Variants in AKAP11 observed in about 807,000 individuals in gnomAD.
The protein encoded by AKAP11 is A-kinase anchor protein 11.
Under a neutral mutation model 146.1 loss-of-function variants are expected in AKAP11, and 36 were observed. The observed-to-expected ratio is 0.25, with a 90% CI of 0.19 to 0.33. AKAP11 has a LOEUF of 0.33. Among genes scored for constraint, AKAP11 ranks in the 10% least tolerant of loss-of-function variants. AKAP11 has a pLI of 1.00. For missense variants in AKAP11, 2,201 were observed against 2,197.0 expected (o/e 1.00, Z -0.04); for synonymous variants, 780 against 786.5 (o/e 0.99, Z 0.14).
At chr13:42,279,295 A>G (rs2324859) in intron 1 of AKAP11, among the ~76,000 whole-genome samples, 3 of 143,104 alleles carry the variant, frequency 2.1e-5, no homozygotes, top group Admixed American at 6.8e-5. Flanking sequence ...TCTCTCTCTC[A>G]CTCACTCACT....
chr13:42,313,030 T>G lies in AKAP11; in HGVS notation c.5274-17T>G. ...TTCATTTTCTAGTTCAGCTCTGTTC[T>G]TTTCTTCCTCTGGCAGTAATGGTAA... is the stretch of plus-strand genomic sequence containing the variant. On this transcript the variant is annotated splice_polypyrimidine_tract_variant and intron_variant, in intron 9 of 12. Coordinates refer to ENST00000025301, the MANE Select transcript of AKAP11 (RefSeq NM_016248.4). 2 of 1,607,802 alleles carry G rather than the reference T, an allele frequency of 1.2e-6. No homozygotes were observed. Among genetic ancestry groups the G allele is most frequent in the East Asian group, 2.2e-5 (1 of 44,786 alleles).
At chr13:42,275,252 C>A (rs1035213490) in intron 1 of AKAP11, among the ~76,000 whole-genome samples, 1 of 152,224 alleles carries the variant, frequency 6.6e-6, no homozygotes, top group Non-Finnish European at 1.5e-5. Context: ...TTGGTTTCCA[C>A]TTCCCCAAAA....
At chr13:42,275,903 G>A (rs1163847655) in intron 1 of AKAP11, among the ~76,000 whole-genome samples, 1 of 152,128 alleles carries the variant, frequency 6.6e-6, no homozygotes, top group Non-Finnish European at 1.5e-5. Context: ...GCTTCTGGTC[G>A]TGTTCAGAGA....
chr13:42,309,454 C>G (rs1056496269), intron 9 of AKAP11, among the ~76,000 whole-genome samples: 32 of 152,096 alleles, frequency 2.1e-4, no homozygotes, highest in African/African-American at 7.0e-4. Flanking sequence ...AAATGGCAAA[C>G]TAGGTGTGGG....
intron 9 of AKAP11, among the ~76,000 whole-genome samples, chr13:42,310,874 A>G (rs1398180609): frequency 6.7e-6 from 1 of 150,092 alleles, no homozygotes; most frequent in Non-Finnish European, 1.5e-5. Flanking sequence ...AAAAAAAAAG[A>G]CTGTGACAAT....
chr13:42,276,025 A>G (rs1303335702), intron 1 of AKAP11, among the ~76,000 whole-genome samples: 1 of 151,972 alleles, frequency 6.6e-6, no homozygotes, highest in Non-Finnish European at 1.5e-5. Context: ...TACCTCACCT[A>G]CCTTTCTGAC....
intron 8 of AKAP11, 36 bp downstream of exon 8, chr13:42,303,899 A>AT: frequency 6.6e-7 from 1 of 1,525,704 alleles, no homozygotes; most frequent in African/African-American, 1.4e-5. Context: ...TTAATGATAA[A>AT]TTAAAAAGAT....
At chr13:42,303,993 CATTTATGTATTGT>C in intron 8 of AKAP11, 130 bp downstream of exon 8, 2 of 1,182,902 alleles carry the variant, frequency 1.7e-6, no homozygotes, top group Non-Finnish European at 2.3e-6. Context: ...TTCCCTGTTG[CATTTATGTATTGT>C]TTCATATCCT....
chr13:42,311,735 A>G (rs1429759773), intron 9 of AKAP11, among the ~76,000 whole-genome samples: 2 of 152,068 alleles, frequency 1.3e-5, no homozygotes, highest in Non-Finnish European at 2.9e-5. Flanking sequence ...TGAGATGATT[A>G]ATTTTCTTTT....
At chr13:42,312,668 A>C (rs1220083416) in intron 9 of AKAP11, among the ~76,000 whole-genome samples, 1 of 152,118 alleles carries the variant, frequency 6.6e-6, no homozygotes, top group Non-Finnish European at 1.5e-5. Context: ...TGTTTTTTTT[A>C]ACTTTATCCA....
At position 42,303,754 on chromosome 13, in the gene AKAP11, A is replaced by G. The variant is rs201341057; in HGVS notation, c.5008A>G (p.Ser1670Gly). 10 of 1,614,138 alleles carry G rather than the reference A, an allele frequency of 6.2e-6. No individual in the cohort carries two copies. The highest frequency in any genetic ancestry group is 8.5e-6 in the Non-Finnish European group (10 of 1,180,006). ...EKAERELSST[S>G]LAADSGIGQE... ...AGCTGAGCGAGAGCTGAGCAGTACC[A>G]GCCTGGCAGCCGACAGTGGGATCGG... Residue 1670 changes from serine to glycine, a missense_variant, in exon 8 of 13, where the codon AGC (serine) becomes GGC (glycine). Physicochemically the swap from Ser to Gly is moderately conservative, Grantham distance 56. Transcript: ENST00000025301.
At chr13:42,278,159 G>A (rs1159773264) in intron 1 of AKAP11, among the ~76,000 whole-genome samples, 1 of 152,134 alleles carries the variant, frequency 6.6e-6, no homozygotes, top group Non-Finnish European at 1.5e-5. Flanking sequence ...GAGAAACTCT[G>A]TAGCGGTAAG....
intron 1 of AKAP11, among the ~76,000 whole-genome samples, chr13:42,282,260 CT>C (rs768248255): frequency 0.14 from 15,536 of 112,376 alleles, 939 homozygotes; most frequent in South Asian, 0.18. Flanking sequence ...CTAGGCCAGT[CT>C]TTTTTTTTTT....
chr13:42,292,899 G>A (rs1959280649), intron 4 of AKAP11, among the ~76,000 whole-genome samples: 1 of 152,072 alleles, frequency 6.6e-6, no homozygotes, highest in Non-Finnish European at 1.5e-5. Context: ...TTTAAATTCA[G>A]TGCTTTGATT....
chr13:42,318,265 C>CT (rs1317593152), intron 12 of AKAP11, among the ~76,000 whole-genome samples: 1 of 152,036 alleles, frequency 6.6e-6, no homozygotes, highest in Non-Finnish European at 1.5e-5. Flanking sequence ...CAGAACTTTC[C>CT]TTTTGGGGTG....
At chr13:42,275,633 A>G (rs2138394645) in intron 1 of AKAP11, among the ~76,000 whole-genome samples, 1 of 152,284 alleles carries the variant, frequency 6.6e-6, no homozygotes, top group East Asian at 1.9e-4. Flanking sequence ...TCAGCTTGGT[A>G]ATGTTCTAAC....
chr13:42,277,306 A>C (rs1958947431), intron 1 of AKAP11, among the ~76,000 whole-genome samples: 1 of 152,194 alleles, frequency 6.6e-6, no homozygotes, highest in Non-Finnish European at 1.5e-5. Flanking sequence ...TTTATTATGA[A>C]AATGTTAACT....
chr13:42,279,513 TATTTA>T, intron 1 of AKAP11, among the ~76,000 whole-genome samples: 1 of 152,328 alleles, frequency 6.6e-6, no homozygotes, highest in South Asian at 2.1e-4. Context: ...CGTTTCAGTA[TATTTA>T]ATTTTCATCT....
chr13:42,292,438 G>A lies in AKAP11; in HGVS notation c.105G>A (p.Lys35=). ...TAAAGTCTTTATTGCAGAGTCAGAA[G>A]GAACTATGCAGTGTAACAGCAGAGG... ...QSVKSLLQSQ[K]ELCSVTAEDC... Residue 35 remains lysine (K), a synonymous_variant, in exon 4 of 13, where the codon AAG becomes AAA. Transcript: ENST00000025301. The A allele has an allele frequency of 6.3e-7, 1 of 1,595,176 alleles. No homozygotes were observed.
Sources: allele counts gnomAD v4.1 joint callset (sites outside exome capture counted in the v4.1 genomes callset), GRCh38; gene constraint gnomAD v4.1.1; transcripts MANE v1.5; gene names NCBI Gene and HGNC (gene_info 2026-07-23, HGNC 2026-07-21).